COL4A5: variants seen among roughly 807,000 people sequenced by gnomAD.
COL4A5 encodes the protein collagen alpha-5(IV) chain.
Under a neutral mutation model 130.2 loss-of-function variants are expected in COL4A5, and 26 were observed. The ratio of observed to expected loss-of-function variants is 0.20; its 90% CI spans 0.15 to 0.28. The LOEUF is 0.28. COL4A5 is among the 10% of genes least tolerant of loss of function. The pLI is 1.00. For synonymous variants in COL4A5, 496 were observed against 439.6 expected (o/e 1.13, Z -1.60); for missense variants, 1,131 against 1,344.3 (o/e 0.84, Z 2.48).
At chrX:108,487,661 G>A (rs1043157723) in intron 1 of COL4A5, among the ~76,000 whole-genome samples, 8 of 111,863 alleles carry the variant, frequency 7.2e-5, no homozygotes, top group Admixed American at 6.6e-4. Flanking sequence ...CAAAAATAAT[G>A]ACTTACAAAG....
intron 1 of COL4A5, among the ~76,000 whole-genome samples, chrX:108,476,349 G>A (rs1031818433): frequency 1.8e-5 from 2 of 110,203 alleles, no homozygotes; most frequent in African/African-American, 6.6e-5. Context: ...GACACACAAT[G>A]CGTAATAATG....
At chrX:108,490,733 A>G (rs1449016136) in intron 1 of COL4A5, among the ~76,000 whole-genome samples, 2 of 110,989 alleles carry the variant, frequency 1.8e-5, no homozygotes, top group Non-Finnish European at 3.8e-5. Flanking sequence ...TGTTTTACAT[A>G]TTATTACATC....
intron 44 of COL4A5, 64 bp from the exon 45 acceptor site, chrX:108,680,615 C>G: frequency 1.4e-4 from 114 of 843,951 alleles, no homozygotes; most frequent in Non-Finnish European, 1.8e-4. Flanking sequence ...AATTCTTATG[C>G]CCTCAATCAC....
chrX:108,588,688 TA>T (rs1251411627), intron 19 of COL4A5, among the ~76,000 whole-genome samples: 1 of 110,817 alleles, frequency 9.0e-6, no homozygotes, highest in Non-Finnish European at 1.9e-5. Flanking sequence ...AGTAAAATAA[TA>T]GTAATGCAAA....
At chrX:108,644,939 A>C (rs1295093290) in intron 36 of COL4A5, among the ~76,000 whole-genome samples, 1 of 107,968 alleles carries the variant, frequency 9.3e-6, no homozygotes, top group Non-Finnish European at 1.9e-5. Flanking sequence ...AAAAAAAAAG[A>C]AAGCAAAGAA....
In COL4A5 at chrX:108,591,041, A is replaced by G. The variant is rs771338182; in HGVS notation, c.1166-17A>G. The G allele has an allele frequency of 1.7e-6, 2 of 1,202,855 alleles. No homozygotes were observed. The highest frequency in any genetic ancestry group is 1.7e-5 in the African/African-American group (1 of 57,596). On this transcript the variant is annotated splice_polypyrimidine_tract_variant and intron_variant, in intron 19 of 52. Coordinates refer to ENST00000328300, the MANE Select transcript of COL4A5 (RefSeq NM_033380.3). ...TCTCTAAGATGAAATCATTTTGATC[A>G]CTTTTTTGAATCTTAGGGGCTGCAG...
intron 41 of COL4A5, chrX:108,669,954 A>G (rs907576033): frequency 4.6e-5 from 15 of 327,163 alleles, no homozygotes; most frequent in African/African-American, 4.0e-4. Flanking sequence ...GTCTGAGCTC[A>G]TAGTAATGAT....
At chrX:108,521,388 T>G (rs1287612013) in intron 1 of COL4A5, among the ~76,000 whole-genome samples, 1 of 111,026 alleles carries the variant, frequency 9.0e-6, no homozygotes, top group Admixed American at 9.7e-5. Flanking sequence ...CTCGGAAAAT[T>G]GAGATAGTAT....
At chrX:108,694,046 TGTG>T (rs2068685313) in intron 50 of COL4A5, 1 of 50,944 alleles carries the variant, frequency 2.0e-5, no homozygotes, top group African/African-American at 1.4e-4. Context: ...TTTGGGTGTA[TGTG>T]TGTGTGTGTG....
intron 23 of COL4A5, 83 bp from the exon 24 acceptor site, chrX:108,597,294 A>G: frequency 9.6e-7 from 1 of 1,038,803 alleles, no homozygotes; most frequent in Non-Finnish European, 1.3e-6. Flanking sequence ...GAGAGAAGAA[A>G]ATGTTAGAAA....
chrX:108,493,584 G>A (rs2065010137), intron 1 of COL4A5, among the ~76,000 whole-genome samples: 1 of 110,691 alleles, frequency 9.0e-6, no homozygotes, highest in Admixed American at 9.7e-5. Flanking sequence ...GAAATCATAA[G>A]GGAATAGATA....
At position 108,467,686 on chromosome X, in the gene COL4A5, T is replaced by C. The variant is rs189115713; in HGVS notation, c.81+27480T>C. On this transcript the variant is annotated intron_variant, in intron 1 of 52. Transcript: ENST00000328300. ...TTTAATTTCTTTCCTCATTGTTTTC[T>C]AGTTTTCTGTGTACATGTTTTTTAC... 5.3e-3 allele frequency among the ~76,000 whole-genome samples: 595 copies of C among 111,952 alleles called. 2 individuals are homozygous for C. The highest frequency in any genetic ancestry group is 0.018 in the African/African-American group (553 of 30,832).
At chrX:108,473,633 A>ATATATTTTTTTTTTT in intron 1 of COL4A5, among the ~76,000 whole-genome samples, 2 of 34,562 alleles carry the variant, frequency 5.8e-5, no homozygotes, top group African/African-American at 2.2e-4. Context: ...ATATATATAT[A>ATATATTTTTTTTTTT]TTTTTTTTTT....
At chrX:108,507,720 A>G (rs2065140559) in intron 1 of COL4A5, among the ~76,000 whole-genome samples, 1 of 111,623 alleles carries the variant, frequency 9.0e-6, no homozygotes, top group African/African-American at 3.3e-5. Flanking sequence ...AGGCAGGAGA[A>G]TGGCGTGAAC....
intron 50 of COL4A5, chrX:108,694,351 A>G (rs921420326): frequency 3.1e-5 from 5 of 159,764 alleles, no homozygotes; most frequent in Middle Eastern, 2.4e-3. Context: ...TGTCCTTTGG[A>G]CCAAGAATAA....
intron 4 of COL4A5, among the ~76,000 whole-genome samples, chrX:108,567,041 C>T (rs981564241): frequency 9.0e-6 from 1 of 111,320 alleles, no homozygotes; most frequent in Non-Finnish European, 1.9e-5. Context: ...TTGCTTTTTC[C>T]TACAATATGC....
chrX:108,540,056 A>G (rs1021881783), intron 2 of COL4A5, among the ~76,000 whole-genome samples: 10 of 111,825 alleles, frequency 8.9e-5, no homozygotes, highest in African/African-American at 3.2e-4. Flanking sequence ...ACATATTCTT[A>G]TTTATATAAA....
chrX:108,689,826 C>T (rs2068616471), intron 49 of COL4A5: 2 of 753,418 alleles, frequency 2.7e-6, no homozygotes, highest in Non-Finnish European at 3.1e-6. Flanking sequence ...ATACTGAGAA[C>T]CATTAGTCTA....
intron 3 of COL4A5, among the ~76,000 whole-genome samples, chrX:108,563,280 C>T (rs954363529): frequency 4.5e-5 from 5 of 111,128 alleles, no homozygotes; most frequent in Non-Finnish European, 5.7e-5. Flanking sequence ...CTCAGCAATG[C>T]GGTTGTGACT....
Sources: gnomAD v4.1 joint callset for allele counts (sites outside exome capture counted in the v4.1 genomes callset) on GRCh38, gnomAD v4.1.1 for gene constraint, MANE v1.5 for transcripts, NCBI Gene and HGNC (gene_info 2026-07-23, HGNC 2026-07-21) for gene names.